UBE2E2: variants seen among roughly 807,000 people sequenced by gnomAD.
The protein encoded by UBE2E2 is ubiquitin-conjugating enzyme E2 E2.
Under a neutral mutation model 24.7 loss-of-function variants are expected in UBE2E2, and 6 were observed. That is an observed-to-expected ratio of 0.24 (90% CI 0.13 to 0.48). The LOEUF (loss-of-function observed/expected upper bound fraction) is 0.48. Among genes scored for constraint, UBE2E2 ranks in the 20% least tolerant of loss-of-function variants. The pLI is 0.99. For missense variants in UBE2E2, 169 were observed against 245.0 expected (o/e 0.69, Z 2.07); for synonymous variants, 104 against 83.6 (o/e 1.24, Z -1.33).
chr3:23,203,458 C>CT lies in UBE2E2; in HGVS notation c.-15_-14insT, dbSNP rs573945417. 172,376 of 979,296 alleles carry CT rather than the reference C, an allele frequency of 0.18. 15,955 individuals are homozygous for CT. The highest frequency in any genetic ancestry group is 0.25 in the South Asian group (5,256 of 20,926). 60.7% of individuals were successfully genotyped at this position (979,296 alleles called of 1,614,324 possible). On this transcript the variant is annotated 5_prime_UTR_variant, in exon 1 of 6. Coordinates refer to ENST00000396703, the MANE Select transcript of UBE2E2 (RefSeq NM_152653.4). Reference sequence around the variant, plus strand: ...GCCTGCGACCTGCACGGACACCCCCCCCTCAGGTATTCGCTCGGGCCGCGC... The same window carrying CT: ...GCCTGCGACCTGCACGGACACCCCCCTCCTCAGGTATTCGCTCGGGCCGCGC...
At chr3:23,505,556 G>A (rs1259598500) in intron 4 of UBE2E2, among the ~76,000 whole-genome samples, 1 of 152,160 alleles carries the variant, frequency 6.6e-6, no homozygotes, top group Non-Finnish European at 1.5e-5. Flanking sequence ...TGTGCCTCAG[G>A]TGTTTTATAA....
chr3:23,567,219 T>G (rs1230030602), intron 5 of UBE2E2, among the ~76,000 whole-genome samples: 1 of 152,196 alleles, frequency 6.6e-6, no homozygotes, highest in Admixed American at 6.5e-5. Context: ...TTGGTCATGA[T>G]TTTTTATCCA....
chr3:23,398,483 A>G (rs565523927), intron 3 of UBE2E2, among the ~76,000 whole-genome samples: 15 of 152,280 alleles, frequency 9.9e-5, no homozygotes, highest in Middle Eastern at 6.8e-3. Context: ...TTCTGATTTT[A>G]AGGGAAATAT....
chr3:23,218,091 G>A (rs1696528021), intron 3 of UBE2E2, among the ~76,000 whole-genome samples: 1 of 152,060 alleles, frequency 6.6e-6, no homozygotes. Context: ...ATAATCTTAT[G>A]CATTGAAGGT....
At chr3:23,302,503 C>G (rs1224660569) in intron 3 of UBE2E2, among the ~76,000 whole-genome samples, 1 of 152,172 alleles carries the variant, frequency 6.6e-6, no homozygotes, top group South Asian at 2.1e-4. Flanking sequence ...TCTCTGGTGA[C>G]CTGAGCACAC....
chr3:23,423,024 T>C (rs778495), intron 3 of UBE2E2, among the ~76,000 whole-genome samples: 3,004 of 152,308 alleles, frequency 0.02, 34 homozygotes, highest in Non-Finnish European at 0.031. Flanking sequence ...TTGGTTTTTC[T>C]GTGTGTCTGC....
intron 5 of UBE2E2, among the ~76,000 whole-genome samples, chr3:23,581,869 A>T (rs1364365526): frequency 6.6e-6 from 1 of 152,134 alleles, no homozygotes; most frequent in Non-Finnish European, 1.5e-5. Flanking sequence ...TTTCCTCAGG[A>T]TTCACTTTCC....
chr3:23,313,993 G>A (rs192275496), intron 3 of UBE2E2, among the ~76,000 whole-genome samples: 1 of 152,280 alleles, frequency 6.6e-6, no homozygotes, highest in East Asian at 1.9e-4. Context: ...ACTGAAGACA[G>A]CTTAACACTG....
intron 3 of UBE2E2, among the ~76,000 whole-genome samples, chr3:23,415,338 G>C (rs182939388): frequency 6.6e-6 from 1 of 152,100 alleles, no homozygotes; most frequent in Non-Finnish European, 1.5e-5. Context: ...TGCACACAGA[G>C]ATACATCCTA....
intron 5 of UBE2E2, among the ~76,000 whole-genome samples, chr3:23,550,659 T>C (rs528889577): frequency 6.6e-6 from 1 of 152,288 alleles, no homozygotes; most frequent in Non-Finnish European, 1.5e-5. Flanking sequence ...ACTACCTTTC[T>C]AGTTAGAAAA....
intron 3 of UBE2E2, among the ~76,000 whole-genome samples, chr3:23,274,328 G>C (rs960675279): frequency 1.3e-5 from 2 of 149,322 alleles, no homozygotes; most frequent in Non-Finnish European, 3.0e-5. Flanking sequence ...TTCCTTTCCC[G>C]ACCCCCTTCC....
chr3:23,253,168 A>G (rs1210158313), intron 3 of UBE2E2, among the ~76,000 whole-genome samples: 2 of 152,260 alleles, frequency 1.3e-5, no homozygotes, highest in Non-Finnish European at 2.9e-5. Flanking sequence ...GAAATTATAA[A>G]GAAAATAATA....
At chr3:23,524,865 G>GACACACACACACAC (rs59806964) in intron 4 of UBE2E2, among the ~76,000 whole-genome samples, 6,282 of 147,444 alleles carry the variant, frequency 0.043, 153 homozygotes, top group African/African-American at 0.069. Flanking sequence ...CAGACACACA[G>GACACACACACACAC]ACACACACAC....
intron 5 of UBE2E2, among the ~76,000 whole-genome samples, chr3:23,584,931 C>T (rs2125521239): frequency 6.6e-6 from 1 of 152,192 alleles, no homozygotes; most frequent in South Asian, 2.1e-4. Flanking sequence ...CAGGTATGTA[C>T]TCTTTGCTTC....
chr3:23,459,621 T>A (rs550557552), intron 3 of UBE2E2, among the ~76,000 whole-genome samples: 1 of 152,230 alleles, frequency 6.6e-6, no homozygotes. Flanking sequence ...CCAGGACCTC[T>A]GTAATAACCT....
intron 3 of UBE2E2, among the ~76,000 whole-genome samples, chr3:23,473,218 G>A (rs748804053): frequency 6.6e-6 from 1 of 151,634 alleles, no homozygotes; most frequent in Non-Finnish European, 1.5e-5. Flanking sequence ...TTTTTGTCAT[G>A]TTTAAATGGG....
intron 3 of UBE2E2, among the ~76,000 whole-genome samples, chr3:23,250,201 A>G (rs1489695003): frequency 6.6e-6 from 1 of 152,216 alleles, no homozygotes; most frequent in Admixed American, 6.5e-5. Context: ...AGTCACAGCC[A>G]TTAAGTAGAT....
chr3:23,567,751 A>G (rs941009722), intron 5 of UBE2E2, among the ~76,000 whole-genome samples: 4 of 152,212 alleles, frequency 2.6e-5, no homozygotes, highest in Admixed American at 1.3e-4. Flanking sequence ...ATCTTGACCA[A>G]TAGGTTGAAC....
At chr3:23,478,411 A>G (rs1386414053) in intron 3 of UBE2E2, among the ~76,000 whole-genome samples, 3 of 152,236 alleles carry the variant, frequency 2.0e-5, no homozygotes, top group Non-Finnish European at 2.9e-5. Flanking sequence ...AAACAAATAT[A>G]TGACAATTAG....
Sources: gnomAD v4.1 joint callset for allele counts (sites outside exome capture counted in the v4.1 genomes callset) on GRCh38, gnomAD v4.1.1 for gene constraint, MANE v1.5 for transcripts, NCBI Gene and HGNC (gene_info 2026-07-23, HGNC 2026-07-21) for gene names.